The following AS3MT variants were observed in gnomAD, a reference collection of about 807,000 sequenced individuals.
AS3MT encodes the protein S-adenosyl-L-methionine:arsenic(III) methyltransferase.
Under a neutral mutation model 45.3 loss-of-function variants are expected in AS3MT, and 47 were observed. The ratio of observed to expected loss-of-function variants is 1.04; its 90% confidence interval spans 0.82 to 1.32. The LOEUF is 1.32. Ranked by LOEUF, AS3MT falls within the 40% of genes most tolerant of loss-of-function variation. The pLI is 0.00. For missense variants in AS3MT, 396 were observed against 451.1 expected (o/e 0.88, Z 1.11); for synonymous variants, 141 against 152.8 (o/e 0.92, Z 0.57).
chr10:102,884,715 T>C (rs1331594185), intron 9 of AS3MT, among the ~76,000 whole-genome samples: 2 of 151,828 alleles, frequency 1.3e-5, no homozygotes, highest in Non-Finnish European at 2.9e-5. Flanking sequence ...CCCAGCTAAT[T>C]TTTGTATTTT....
intron 7 of AS3MT, among the ~76,000 whole-genome samples, chr10:102,877,898 G>A (rs911128621): frequency 6.6e-6 from 1 of 151,696 alleles, no homozygotes; most frequent in Non-Finnish European, 1.5e-5. Context: ...GATTACAGGT[G>A]CATGCCACCA....
At chr10:102,875,335 G>A (rs554971728) in intron 6 of AS3MT, among the ~76,000 whole-genome samples, 1 of 151,946 alleles carries the variant, frequency 6.6e-6, no homozygotes, top group East Asian at 2.0e-4. Flanking sequence ...AAATTAGCTG[G>A]GTGTGGTGGT....
chr10:102,879,753 A>G (rs180958089), intron 9 of AS3MT, among the ~76,000 whole-genome samples: 58 of 137,464 alleles, frequency 4.2e-4, no homozygotes, highest in African/African-American at 1.5e-3. Context: ...TGGGCAACAG[A>G]GTGAGACTCC....
chr10:102,895,307 C>T (rs527985072), intron 10 of AS3MT, among the ~76,000 whole-genome samples: 1 of 151,884 alleles, frequency 6.6e-6, no homozygotes, highest in East Asian at 1.9e-4. Context: ...AAGTGATTCT[C>T]CTGCCCCAGC....
At chr10:102,889,804 T>C (rs1243094445) in intron 9 of AS3MT, among the ~76,000 whole-genome samples, 3 of 151,176 alleles carry the variant, frequency 2.0e-5, no homozygotes, top group African/African-American at 7.3e-5. Context: ...GCCTCCCGAG[T>C]AGCTGGGATT....
In AS3MT at chr10:102,878,991, G is replaced by A. The variant is rs758809334; in HGVS notation, c.885G>A (p.Lys295=). The A allele has an allele frequency of 7.4e-5, 119 of 1,609,754 alleles. No homozygotes were observed. The highest frequency in any genetic ancestry group is 9.8e-5 in the Non-Finnish European group (115 of 1,178,112). Residue 295 remains lysine, a splice_region_variant and synonymous_variant, in exon 9 of 11, where the codon AAG becomes AAA. Coordinates refer to ENST00000369880, the MANE Select transcript of AS3MT (RefSeq NM_020682.4). Reference sequence around the variant, plus strand: ...TGTTTGATGCCAATTTTACATTTAAGGTAAATAAAACAATTTCCATGACTT... The same window carrying A: ...TGTTTGATGCCAATTTTACATTTAAAGTAAATAAAACAATTTCCATGACTT... ...ELMFDANFTF[K]EGEIVEVDEE... is the part of the protein sequence containing the mutation.
chr10:102,869,471 C>G lies in AS3MT; in HGVS notation c.-122C>G. 1 of 1,532,150 alleles carries G rather than the reference C, an allele frequency of 6.5e-7. No homozygotes were observed. Among genetic ancestry groups the G allele is most frequent in the Admixed American group, 2.0e-5 (1 of 50,794 alleles). 94.9% of individuals were successfully genotyped at this position (1,532,150 alleles called of 1,614,324 possible). A position where few individuals can be genotyped will look rare whatever the true frequency, so the allele number is the denominator to read the frequency against. ...TGCCAGCCTGGGCGGGGCCTCGGCA[C>G]AGGAGCTGGCTGCGGGAGCCCGCCG... On this transcript the variant is annotated 5_prime_UTR_variant, in exon 1 of 11. Transcript: ENST00000369880.
intron 3 of AS3MT, among the ~76,000 whole-genome samples, chr10:102,871,404 G>A (rs376306771): frequency 6.6e-6 from 1 of 151,892 alleles, no homozygotes; most frequent in East Asian, 1.9e-4. Context: ...AATATTATCC[G>A]GGTGTGGCGG....
intron 3 of AS3MT, 101 bp downstream of exon 3, chr10:102,870,312 A>G: frequency 7.1e-7 from 1 of 1,410,090 alleles, no homozygotes; most frequent in East Asian, 2.3e-5. Flanking sequence ...CCACCAACCC[A>G]TCAGCTTGCC....
In AS3MT at chr10:102,872,443, C is replaced by T; in HGVS notation, c.171-5C>T. 1 of 1,613,502 alleles carries T rather than the reference C, an allele frequency of 6.2e-7. No individual in the cohort carries two copies. Among genetic ancestry groups the T allele is most frequent in the East Asian group, 2.2e-5 (1 of 44,868 alleles). On this transcript the variant is annotated splice_region_variant and splice_polypyrimidine_tract_variant and intron_variant, in intron 3 of 10. Transcript: ENST00000369880. ...GGGAAAAAATATGTGTTTTCCATTTCCCAGATATTATGGCTGTGGTCTGGT... is the reference window on the plus strand; with the variant it reads ...GGGAAAAAATATGTGTTTTCCATTTTCCAGATATTATGGCTGTGGTCTGGT...
Position 102,889,614 on chromosome 10 carries a change from G to GCCTGCCTGCCTGCCTGCCTT in AS3MT, c.886-927_886-926insGCCTGCCTGCCTGCCTTCCT, listed in dbSNP as rs559139049. Among the ~76,000 whole-genome samples the GCCTGCCTGCCTGCCTGCCTT allele has an allele frequency of 7.2e-3, 819 of 113,906 alleles. 9 individuals carry two copies. The highest frequency in any genetic ancestry group is 8.3e-3 in the East Asian group (24 of 2,908). The allele number at this position is 113,906 out of a possible 152,430, so 74.7% of individuals were successfully genotyped here. On this transcript the variant is annotated intron_variant, in intron 9 of 10. Transcript: ENST00000369880. ...CTTCCCTTCCCCTGCCTGTCTGCCT[G>GCCTGCCTGCCTGCCTGCCTT]CCTTCCTTCCTTCCTTCCTTCCTTC...
intron 10 of AS3MT, among the ~76,000 whole-genome samples, chr10:102,898,734 A>G (rs1845222510): frequency 6.6e-6 from 1 of 152,216 alleles, no homozygotes; most frequent in Non-Finnish European, 1.5e-5. Context: ...TGAATAGTTA[A>G]TATGTTTAAG....
At chr10:102,871,240 TCAAAA>T (rs1379721465) in intron 3 of AS3MT, among the ~76,000 whole-genome samples, 7 of 148,506 alleles carry the variant, frequency 4.7e-5, no homozygotes, top group Admixed American at 4.0e-4. Flanking sequence ...AAAAACTCAG[TCAAAA>T]CAAAACAAAA....
chr10:102,870,922 T>C (rs576550225), intron 3 of AS3MT, among the ~76,000 whole-genome samples: 36 of 152,354 alleles, frequency 2.4e-4, no homozygotes, highest in African/African-American at 8.7e-4. Context: ...AAGTGTTTTC[T>C]GTGCACGATG....
At chr10:102,870,016 G>C (rs574733289) in intron 2 of AS3MT, 68 bp from the exon 3 acceptor site, 5 of 1,583,278 alleles carry the variant, frequency 3.2e-6, no homozygotes, top group Admixed American at 1.7e-5. Flanking sequence ...TGGTGACGGA[G>C]CCCTCGCGCT....
At chr10:102,877,813 C>T (rs761305432) in intron 7 of AS3MT, among the ~76,000 whole-genome samples, 3 of 135,698 alleles carry the variant, frequency 2.2e-5, no homozygotes, top group Non-Finnish European at 3.1e-5. Context: ...AGTGCAGTGG[C>T]GCAATCTTGG....
chr10:102,894,475 T>G (rs1845131407), intron 10 of AS3MT, among the ~76,000 whole-genome samples: 1 of 151,764 alleles, frequency 6.6e-6, no homozygotes, highest in Non-Finnish European at 1.5e-5. Flanking sequence ...TTATAAACCC[T>G]CAACCATCTG....
chr10:102,893,146 CT>C (rs1205042582), intron 10 of AS3MT, among the ~76,000 whole-genome samples: 2 of 150,456 alleles, frequency 1.3e-5, no homozygotes, highest in Non-Finnish European at 2.9e-5. Flanking sequence ...TAGCTAATTG[CT>C]GTAAGTCTGT....
At chr10:102,888,124 A>G (rs544584107) in intron 9 of AS3MT, 64 of 160,236 alleles carry the variant, frequency 4.0e-4, no homozygotes, top group Middle Eastern at 6.6e-3. Context: ...GGCAGCATCT[A>G]TGATTCCATT....
Sources: gnomAD v4.1 joint callset for allele counts (sites outside exome capture counted in the v4.1 genomes callset) on GRCh38, gnomAD v4.1.1 for gene constraint, MANE v1.5 for transcripts, NCBI Gene and HGNC (gene_info 2026-07-23, HGNC 2026-07-21) for gene names.